Variants in HORMAD2 observed in about 807,000 individuals in gnomAD.
HORMAD2 encodes HORMA domain containing 2.
HORMAD2 carries 45 observed loss-of-function variants against 38.8 expected under a neutral mutation model. That is an observed-to-expected ratio of 1.16 (90% confidence interval 0.91 to 1.49). The LOEUF (loss-of-function observed/expected upper bound fraction) is 1.49. Ranked by LOEUF, HORMAD2 falls within the 40% of genes most tolerant of loss-of-function variation. The probability of loss-of-function intolerance (pLI) is 0.00; values close to 1 mark genes in which losing one functional copy is unlikely to be tolerated. For missense variants in HORMAD2, 338 were observed against 367.0 expected (o/e 0.92, Z 0.65); for synonymous variants, 126 against 122.8 (o/e 1.03, Z -0.17).
the HORMAD2 span, among the ~76,000 whole-genome samples, chr22:30,196,070 C>A: frequency 6.6e-6 from 1 of 152,198 alleles, no homozygotes; most frequent in Admixed American, 6.5e-5. Context: ...ATTGTTCACT[C>A]GCATGGCATT....
chr22:30,134,669 A>G (rs1923534808), intron 10 of HORMAD2, among the ~76,000 whole-genome samples: 1 of 150,374 alleles, frequency 6.7e-6, no homozygotes, highest in African/African-American at 2.5e-5. Flanking sequence ...TCGTGTGTGT[A>G]CCAACAGAGC....
At chr22:30,171,594 A>G (rs1053598815) in intron 10 of HORMAD2, among the ~76,000 whole-genome samples, 1 of 152,058 alleles carries the variant, frequency 6.6e-6, no homozygotes, top group Admixed American at 6.6e-5. Context: ...GATGTCTCCA[A>G]TACATTTCTA....
the HORMAD2 span, among the ~76,000 whole-genome samples, chr22:30,196,490 G>A: frequency 1.6e-4 from 24 of 152,214 alleles, no homozygotes; most frequent in Admixed American, 3.9e-4. Flanking sequence ...CACCATCGCG[G>A]TGGCCAGCGT....
chr22:30,204,116 G>C, the HORMAD2 span, among the ~76,000 whole-genome samples: 18,730 of 152,078 alleles, frequency 0.12, 2,256 homozygotes, highest in African/African-American at 0.3. Context: ...TAATTTGACT[G>C]TCTCCTCCAT....
downstream of HORMAD2, among the ~76,000 whole-genome samples, chr22:30,177,270 A>AACAC (rs200963783): frequency 6.6e-6 from 1 of 151,780 alleles, no homozygotes; most frequent in Non-Finnish European, 1.5e-5. Flanking sequence ...TCCAGATTCT[A>AACAC]ACACACACAC....
At chr22:30,204,605 G>T in the HORMAD2 span, among the ~76,000 whole-genome samples, 1 of 152,162 alleles carries the variant, frequency 6.6e-6, no homozygotes, top group Non-Finnish European at 1.5e-5. Context: ...CATTTGATAA[G>T]GTGTCCCGGC....
At chr22:30,142,971 AT>A (rs912972928) in intron 10 of HORMAD2, among the ~76,000 whole-genome samples, 4 of 151,684 alleles carry the variant, frequency 2.6e-5, no homozygotes, top group African/African-American at 7.3e-5. Context: ...CCTTTTTGGT[AT>A]TTTTTTTATG....
At chr22:30,185,145 C>G in the HORMAD2 span, among the ~76,000 whole-genome samples, 1 of 152,130 alleles carries the variant, frequency 6.6e-6, no homozygotes, top group African/African-American at 2.4e-5. Context: ...TCTGCCTGGG[C>G]TCTGGGATAG....
At chr22:30,125,810 G>C (rs1012674944) in intron 10 of HORMAD2, among the ~76,000 whole-genome samples, 2 of 152,088 alleles carry the variant, frequency 1.3e-5, no homozygotes, top group Non-Finnish European at 2.9e-5. Flanking sequence ...TAAAACATAT[G>C]TATCAGTGAT....
chr22:30,117,804 A>G (rs1922156437), intron 7 of HORMAD2, among the ~76,000 whole-genome samples: 1 of 152,176 alleles, frequency 6.6e-6, no homozygotes, highest in Non-Finnish European at 1.5e-5. Flanking sequence ...GTGAGCCACC[A>G]TGCCCAGCCA....
chr22:30,162,657 A>G (rs1472576518), intron 10 of HORMAD2, among the ~76,000 whole-genome samples: 1 of 150,730 alleles, frequency 6.6e-6, no homozygotes, highest in Non-Finnish European at 1.5e-5. Flanking sequence ...ATTAGGCAGT[A>G]CTGTATATAG....
At chr22:30,105,992 G>A (rs1035704652) in intron 5 of HORMAD2, among the ~76,000 whole-genome samples, 3 of 152,094 alleles carry the variant, frequency 2.0e-5, no homozygotes, top group African/African-American at 7.2e-5. Context: ...GTCATATTGG[G>A]CTTTACATGT....
At chr22:30,184,109 T>G in the HORMAD2 span, among the ~76,000 whole-genome samples, 1 of 152,218 alleles carries the variant, frequency 6.6e-6, no homozygotes, top group East Asian at 1.9e-4. Flanking sequence ...TGGTCGCATC[T>G]CTCAACAAAG....
chr22:30,117,355 C>T (rs1263443289), intron 7 of HORMAD2, among the ~76,000 whole-genome samples: 1 of 152,158 alleles, frequency 6.6e-6, no homozygotes, highest in Admixed American at 6.6e-5. Context: ...ATTAGTACTT[C>T]TCCAGCTCTG....
At chr22:30,113,998 T>C (rs1389814005) in intron 7 of HORMAD2, among the ~76,000 whole-genome samples, 1 of 152,228 alleles carries the variant, frequency 6.6e-6, no homozygotes, top group Non-Finnish European at 1.5e-5. Flanking sequence ...ACTAAATTGA[T>C]CATTTTCTTA....
chr22:30,155,688 A>G (rs1453887907), intron 10 of HORMAD2, among the ~76,000 whole-genome samples: 1 of 152,180 alleles, frequency 6.6e-6, no homozygotes, highest in Non-Finnish European at 1.5e-5. Flanking sequence ...ATATTTATGT[A>G]TCTATATGAA....
At chr22:30,130,017 G>T (rs1238466787) in intron 10 of HORMAD2, among the ~76,000 whole-genome samples, 2 of 151,906 alleles carry the variant, frequency 1.3e-5, no homozygotes, top group East Asian at 1.9e-4. Flanking sequence ...CTAACTCAAA[G>T]ATTTTTTAAA....
intron 10 of HORMAD2, among the ~76,000 whole-genome samples, chr22:30,145,035 A>G (rs1374383463): frequency 1.3e-5 from 2 of 152,198 alleles, no homozygotes; most frequent in Non-Finnish European, 2.9e-5. Context: ...TCTTGGTTCA[A>G]ATACCACCAA....
chr22:30,155,033 A>G (rs1196313197), intron 10 of HORMAD2, among the ~76,000 whole-genome samples: 1 of 151,566 alleles, frequency 6.6e-6, no homozygotes, highest in Non-Finnish European at 1.5e-5. Context: ...TGTTCACACC[A>G]CTACACTCCA....
Sources: gnomAD v4.1 joint callset for allele counts (sites outside exome capture counted in the v4.1 genomes callset) on GRCh38, gnomAD v4.1.1 for gene constraint, MANE v1.5 for transcripts, NCBI Gene and HGNC (gene_info 2026-07-23, HGNC 2026-07-21) for gene names.